Variants in BMP6 observed in about 807,000 individuals in gnomAD.
BMP6 encodes bone morphogenetic protein 6.
A neutral mutation model predicts 54.1 loss-of-function variants in BMP6; 17 were observed. That is an observed-to-expected ratio of 0.31 (90% CI 0.22 to 0.47). BMP6 has a LOEUF of 0.47. Ranked by LOEUF, BMP6 falls within the 20% of genes least tolerant of loss-of-function variation. BMP6 has a pLI of 1.00. For missense variants in BMP6, 720 were observed against 690.4 expected (o/e 1.04, Z -0.48); for synonymous variants, 328 against 291.2 (o/e 1.13, Z -1.28).
In BMP6 at chr6:7,754,140, CAG is replaced by C. The variant is rs1318618846; in HGVS notation, c.664+26524_664+26525del. The stretch of plus-strand genomic sequence containing the variant: ...TTTTTTTCTTTCTTTCTTTTTGAAA[CAG>C]AGTCTTCATGTGTCATCCAGGCTGC... On this transcript the variant is annotated intron_variant, in intron 1 of 6. Transcript: ENST00000283147. 9.2e-5 allele frequency among the ~76,000 whole-genome samples: 14 copies of C among 152,202 alleles called. No individual in the cohort carries two copies. The East Asian group carries it at 2.3e-3, about 25-fold the overall frequency.
chr6:7,879,981 T>C lies in BMP6; in HGVS notation c.1282-10T>C, dbSNP rs761518530. Reference sequence around the variant, plus strand: ...CTCATCTTTTGTTGCTTCCTTTGCATGAAATTAAGGACTGGATCATTGCAC... The same window carrying C: ...CTCATCTTTTGTTGCTTCCTTTGCACGAAATTAAGGACTGGATCATTGCAC... On this transcript the variant is annotated splice_polypyrimidine_tract_variant and intron_variant, in intron 5 of 6. Transcript: ENST00000283147. 55 of 1,609,624 alleles carry C rather than the reference T, an allele frequency of 3.4e-5. 1 individual carries two copies. The highest frequency in any genetic ancestry group is 4.4e-5 in the Non-Finnish European group (52 of 1,176,046).
At chr6:7,807,567 A>C (rs1229610866) in intron 1 of BMP6, among the ~76,000 whole-genome samples, 3 of 151,932 alleles carry the variant, frequency 2.0e-5, no homozygotes, top group Non-Finnish European at 2.9e-5. Flanking sequence ...GCCTGAGCCC[A>C]CGCGCCCGGC....
chr6:7,803,544 C>G (rs762591450), intron 1 of BMP6, among the ~76,000 whole-genome samples: 2 of 152,160 alleles, frequency 1.3e-5, no homozygotes, highest in African/African-American at 4.8e-5. Context: ...TACACATTCA[C>G]AGTCTACTTC....
chr6:7,763,372 G>T (rs748377448), intron 1 of BMP6, among the ~76,000 whole-genome samples: 10 of 152,178 alleles, frequency 6.6e-5, no homozygotes, highest in East Asian at 3.9e-4. Flanking sequence ...TTTCAAAGTT[G>T]TGGGGAGGCA....
At chr6:7,851,397 A>G (rs1181117850) in intron 2 of BMP6, among the ~76,000 whole-genome samples, 1 of 152,212 alleles carries the variant, frequency 6.6e-6, no homozygotes, top group Non-Finnish European at 1.5e-5. Flanking sequence ...ATTCAGTGCC[A>G]AATTGGTTTT....
intron 2 of BMP6, among the ~76,000 whole-genome samples, chr6:7,846,947 C>T (rs972657993): frequency 2.6e-5 from 4 of 152,076 alleles, no homozygotes; most frequent in Non-Finnish European, 5.9e-5. Context: ...TGTTTTTCTC[C>T]GTCCTGCAGG....
At position 7,845,121 on chromosome 6, in the gene BMP6, C is replaced by T. The variant is rs898559597; in HGVS notation, c.665-19C>T. 1.9e-6 allele frequency: 3 copies of T among 1,602,256 alleles called. No individual in the cohort carries two copies. The highest frequency in any genetic ancestry group is 2.7e-5 in the African/African-American group (2 of 74,486). ...GTCAAGTAACAATAGTTGTCACTCT[C>T]TCTTGTTTAATCTTATAGTGGAGTA... On this transcript the variant is annotated intron_variant, in intron 1 of 6. Transcript: ENST00000283147.
chr6:7,818,679 C>T (rs917436180), intron 1 of BMP6, among the ~76,000 whole-genome samples: 1 of 152,220 alleles, frequency 6.6e-6, no homozygotes, highest in African/African-American at 2.4e-5. Flanking sequence ...ACCAAGGGGC[C>T]TCCTCCAGAG....
chr6:7,783,136 G>C lies in BMP6; in HGVS notation c.664+55517G>C, dbSNP rs182286010. Among the ~76,000 whole-genome samples the C allele has an allele frequency of 1.3e-3, 202 of 152,312 alleles. 2 individuals carry two copies. Among genetic ancestry groups the C allele is most frequent in the African/African-American group, 4.6e-3 (193 of 41,574 alleles). ...AGAGAGAAAGGGTTTGCACTGGAGAGGATGCACAGCAAAGAAGCGTTTGTG... is the reference window on the plus strand; with the variant it reads ...AGAGAGAAAGGGTTTGCACTGGAGACGATGCACAGCAAAGAAGCGTTTGTG... On this transcript the variant is annotated intron_variant, in intron 1 of 6. Transcript: ENST00000283147.
chr6:7,759,696 C>CTTCTTTT (rs1757580617), intron 1 of BMP6, among the ~76,000 whole-genome samples: 1 of 62,152 alleles, frequency 1.6e-5, no homozygotes, highest in Admixed American at 2.7e-4. Flanking sequence ...CTTTCTTCTT[C>CTTCTTTT]TTTTTTTTTT....
intron 4 of BMP6, 104 bp from the exon 5 acceptor site, chr6:7,878,970 T>C: frequency 8.6e-7 from 1 of 1,163,198 alleles, no homozygotes; most frequent in Non-Finnish European, 1.3e-6. Flanking sequence ...GAGGCTATCC[T>C]GAGCCTAGCA....
intron 4 of BMP6, among the ~76,000 whole-genome samples, chr6:7,874,864 T>C (rs1304471170): frequency 2.6e-5 from 4 of 152,208 alleles, no homozygotes; most frequent in Non-Finnish European, 5.9e-5. Context: ...AATAATAATT[T>C]AGCTAGTCCG....
At chr6:7,817,898 A>G (rs529627739) in intron 1 of BMP6, among the ~76,000 whole-genome samples, 5 of 152,330 alleles carry the variant, frequency 3.3e-5, no homozygotes, top group African/African-American at 1.2e-4. Context: ...TCACATTGCA[A>G]AGTGAGAAAA....
chr6:7,788,654 A>G (rs1288787222), intron 1 of BMP6, among the ~76,000 whole-genome samples: 1 of 152,224 alleles, frequency 6.6e-6, no homozygotes, highest in Non-Finnish European at 1.5e-5. Context: ...AATGTTCATC[A>G]TTGTAAAACA....
At chr6:7,828,118 T>G (rs138034421) in intron 1 of BMP6, among the ~76,000 whole-genome samples, 1 of 152,244 alleles carries the variant, frequency 6.6e-6, no homozygotes, top group Admixed American at 6.5e-5. Context: ...GTGAATTTTT[T>G]GTTAGCTTGC....
chr6:7,845,381 C>T (rs369867679), intron 2 of BMP6, 49 bp downstream of exon 2: 2 of 1,526,248 alleles, frequency 1.3e-6, no homozygotes, highest in Non-Finnish European at 1.8e-6. Flanking sequence ...CCCTGTTTCC[C>T]ACCTTTTGTC....
At chr6:7,845,378 T>G (rs907781313) in intron 2 of BMP6, 46 bp downstream of exon 2, 1 of 1,540,644 alleles carries the variant, frequency 6.5e-7, no homozygotes. Flanking sequence ...GGCCCCTGTT[T>G]CCCACCTTTT....
intron 1 of BMP6, among the ~76,000 whole-genome samples, chr6:7,824,113 A>G (rs898383046): frequency 4.6e-5 from 7 of 152,112 alleles, no homozygotes; most frequent in African/African-American, 1.7e-4. Flanking sequence ...TGGTGAGCAG[A>G]TTGGGTACTG....
rs559192513 is a variant in BMP6 at position 7,880,599 on chromosome 6, CAT to C, written c.*258_*259del. 1.9e-4 allele frequency: 97 copies of C among 508,742 alleles called. No individual in the cohort carries two copies. Among genetic ancestry groups the C allele is most frequent in the African/African-American group, 1.6e-3 (85 of 52,612 alleles). The allele number at this position is 508,742 out of a possible 1,614,324, so 31.5% of individuals were successfully genotyped here. A position where few individuals can be genotyped will look rare whatever the true frequency, so the allele number is the denominator to read the frequency against. On this transcript the variant is annotated 3_prime_UTR_variant, in exon 7 of 7. Coordinates refer to ENST00000283147, the MANE Select transcript of BMP6 (RefSeq NM_001718.6). The stretch of plus-strand genomic sequence containing the variant: ...GCATAAGGTCTGGTAACTGCAGAAA[CAT>C]AACCGTGAAGCTCTTCCTACCCTCC...
Sources: gnomAD v4.1 joint callset for allele counts (sites outside exome capture counted in the v4.1 genomes callset) on GRCh38, gnomAD v4.1.1 for gene constraint, MANE v1.5 for transcripts, NCBI Gene and HGNC (gene_info 2026-07-23, HGNC 2026-07-21) for gene names.